WWP1: variants seen among roughly 807,000 people sequenced by gnomAD.
WWP1 encodes the protein WW domain containing E3 ubiquitin protein ligase 1.
WWP1 carries 49 observed loss-of-function variants against 130.6 expected under a neutral mutation model. The observed-to-expected ratio is 0.38, with a 90% confidence interval of 0.30 to 0.48. The LOEUF is 0.48. WWP1 is among the 20% of genes least tolerant of loss of function. The probability of loss-of-function intolerance (pLI) is 0.99; values close to 1 mark genes in which losing one functional copy is unlikely to be tolerated. For synonymous variants in WWP1, 332 were observed against 367.8 expected (o/e 0.90, Z 1.11); for missense variants, 809 against 1,100.6 (o/e 0.74, Z 3.75).
rs202221520 is a variant in WWP1 at position 86,425,204 on chromosome 8, T to G, written c.1062-19T>G. The G allele has an allele frequency of 3.8e-5, 60 of 1,592,978 alleles. No individual in the cohort carries two copies. In the African/African-American group the frequency reaches 7.7e-4, roughly 20 times the overall value. On this transcript the variant is annotated intron_variant, in intron 9 of 24. Coordinates refer to ENST00000517970, the MANE Select transcript of WWP1 (RefSeq NM_007013.4). The stretch of plus-strand genomic sequence containing the variant: ...CTAGTGTGTTGTCTCTTACTGTTAT[T>G]TTTGTATTTTTATTAAAGGTGGGAA...
rs959814467 is a variant in WWP1, at chr8:86,342,712, T to C, written c.-333T>C. On this transcript the variant is annotated 5_prime_UTR_variant, in exon 1 of 25. Coordinates refer to ENST00000517970, the MANE Select transcript of WWP1 (RefSeq NM_007013.4). ...GGCTGGGGGTGGCGCGTGGACGGGG[T>C]GGGGGTGGGGGGAGGGTCGGGTGTC... The C allele has an allele frequency of 1.7e-5, 2 of 118,728 alleles. No homozygotes were observed. Among genetic ancestry groups the C allele is most frequent in the African/African-American group, 2.2e-4 (1 of 4,490 alleles). The allele number at this position is 118,728 out of a possible 1,614,324, so 7.4% of individuals were successfully genotyped here. A position where few individuals can be genotyped will look rare whatever the true frequency, so the allele number is the denominator to read the frequency against.
chr8:86,462,413 G>C (rs1465451550), intron 24 of WWP1, among the ~76,000 whole-genome samples: 1 of 149,116 alleles, frequency 6.7e-6, no homozygotes, highest in Non-Finnish European at 1.5e-5. Flanking sequence ...GAATATGATA[G>C]GTGTGATTGG....
At chr8:86,366,005 T>G (rs2130250421) in intron 1 of WWP1, among the ~76,000 whole-genome samples, 1 of 152,338 alleles carries the variant, frequency 6.6e-6, no homozygotes, top group Non-Finnish European at 1.5e-5. Context: ...CTTAGCCTGT[T>G]TTCTTGACAT....
chr8:86,361,676 C>G (rs1823607259), intron 1 of WWP1, among the ~76,000 whole-genome samples: 1 of 152,076 alleles, frequency 6.6e-6, no homozygotes, highest in Non-Finnish European at 1.5e-5. Context: ...CCACTTCTTT[C>G]CTTTTGTATG....
intron 1 of WWP1, among the ~76,000 whole-genome samples, chr8:86,364,829 AAGAAAGAGAGAG>A (rs894538430): frequency 1.1e-4 from 13 of 121,838 alleles, no homozygotes; most frequent in African/African-American, 2.7e-4. Flanking sequence ...GAAAGAAAGA[AAGAAAGAGAGAG>A]AGAGAGAGAG....
intron 9 of WWP1, among the ~76,000 whole-genome samples, chr8:86,417,854 T>C (rs562662469): frequency 6.6e-6 from 1 of 152,232 alleles, no homozygotes; most frequent in South Asian, 2.1e-4. Flanking sequence ...AGCCTTGTTC[T>C]AGGCATGTGC....
At position 86,435,509 on chromosome 8, in the gene WWP1, C is replaced by T; in HGVS notation, c.1659C>T (p.His553=). ...YERGFRWKLA[H]FRYLCQSNAL... ...GCGGCTTTAGGTGGAAGCTTGCTCA[C>T]TTCCGTTATTTGTGCCAGGTACTAT... is the stretch of plus-strand genomic sequence containing the variant. The change falls in exon 15 of 25, where the codon CAC becomes CAT. Residue 553 remains histidine, a synonymous_variant. Coordinates refer to ENST00000517970, the MANE Select transcript of WWP1 (RefSeq NM_007013.4). 1 of 1,614,160 alleles carries T rather than the reference C, an allele frequency of 6.2e-7. No individual in the cohort carries two copies. Among genetic ancestry groups the T allele is most frequent in the Non-Finnish European group, 8.5e-7 (1 of 1,180,022 alleles).
Position 86,457,965 on chromosome 8 carries a change from G to A in WWP1, c.2439G>A (p.Gln813=), listed in dbSNP as rs1811550274. Residue 813 remains glutamine, a synonymous_variant, in exon 22 of 25, where the codon CAG becomes CAA. Coordinates refer to ENST00000517970, the MANE Select transcript of WWP1 (RefSeq NM_007013.4). ...GMQEVDLADW[Q]RNTVYRHYTR... is the part of the protein sequence containing the mutation. ...AGGAGGTTGACTTGGCAGATTGGCA[G>A]AGAAATACTGTTTATCGACATTATA... 1 of 1,613,080 alleles carries A rather than the reference G, an allele frequency of 6.2e-7. No homozygotes were observed. The highest frequency in any genetic ancestry group is 1.7e-5 in the Admixed American group (1 of 59,984).
rs375727216 is a variant in WWP1, at chr8:86,367,381, ATTTC to A, written c.-114-1544_-114-1541del. On this transcript the variant is annotated intron_variant, in intron 1 of 24. Transcript: ENST00000517970. Reference sequence around the variant, plus strand: ...AATGAATCAGATCTATTCTAATTGGATTTCTTTCTTTCTTTCTCTTTCTTTCTTT... The same window carrying A: ...AATGAATCAGATCTATTCTAATTGGATTTCTTTCTTTCTCTTTCTTTCTTT... Among the ~76,000 whole-genome samples the A allele has an allele frequency of 1.8e-3, 277 of 152,232 alleles. 2 individuals carry two copies. The highest frequency in any genetic ancestry group is 5.9e-3 in the African/African-American group (246 of 41,542).
Position 86,380,981 on chromosome 8 carries a change from C to T in WWP1, c.209+117C>T, listed in dbSNP as rs959334611. On this transcript the variant is annotated intron_variant, in intron 4 of 24. Coordinates refer to ENST00000517970, the MANE Select transcript of WWP1 (RefSeq NM_007013.4). ...TGAGTGATTTTTTTAAAGTGTGGAT[C>T]GACAATTTAAAGTATGGAGAAATTT... 4.6e-5 allele frequency: 57 copies of T among 1,242,804 alleles called. No homozygotes were observed. The South Asian group carries it at 1.1e-3, about 25-fold the overall frequency. The allele number at this position is 1,242,804 out of a possible 1,614,324, so 77.0% of individuals were successfully genotyped here.
intron 8 of WWP1, among the ~76,000 whole-genome samples, chr8:86,410,236 A>G (rs190548038): frequency 6.6e-6 from 1 of 152,328 alleles, no homozygotes; most frequent in African/African-American, 2.4e-5. Flanking sequence ...CTTAAATAAC[A>G]TAAGAATGAT....
intron 7 of WWP1, 98 bp from the exon 8 acceptor site, chr8:86,401,917 CAAAA>C (rs770692223): frequency 2.7e-4 from 314 of 1,177,334 alleles, no homozygotes; most frequent in Non-Finnish European, 3.3e-4. Context: ...AAAGAAATAA[CAAAA>C]AAGAAACTTA....
chr8:86,423,275 G>A (rs959889286), intron 9 of WWP1, among the ~76,000 whole-genome samples: 9 of 151,654 alleles, frequency 5.9e-5, no homozygotes, highest in Non-Finnish European at 8.8e-5. Context: ...CTCCCAGAGG[G>A]GGATTTGGCA....
At chr8:86,431,019 G>T in intron 12 of WWP1, among the ~76,000 whole-genome samples, 1 of 132,998 alleles carries the variant, frequency 7.5e-6, no homozygotes, top group African/African-American at 2.8e-5. Flanking sequence ...TATTATAAGG[G>T]ATATATATGT....
chr8:86,457,548 C>A (rs530472510), intron 21 of WWP1, among the ~76,000 whole-genome samples: 1 of 147,884 alleles, frequency 6.8e-6, no homozygotes, highest in South Asian at 2.1e-4. Context: ...ATAATAGATA[C>A]ACACACACAT....
At chr8:86,417,741 A>C (rs1314832436) in intron 9 of WWP1, among the ~76,000 whole-genome samples, 1 of 152,234 alleles carries the variant, frequency 6.6e-6, no homozygotes, top group Non-Finnish European at 1.5e-5. Context: ...AAATTAAGAC[A>C]TGACCAAATA....
intron 14 of WWP1, among the ~76,000 whole-genome samples, chr8:86,432,587 A>G (rs572005098): frequency 3.3e-5 from 5 of 150,940 alleles, no homozygotes; most frequent in African/African-American, 1.2e-4. Flanking sequence ...CCCTTTACCA[A>G]TGTGTTCAAT....
At chr8:86,397,691 G>C (rs1052425746) in intron 5 of WWP1, among the ~76,000 whole-genome samples, 4 of 152,030 alleles carry the variant, frequency 2.6e-5, no homozygotes, top group Admixed American at 2.6e-4. Flanking sequence ...GTCTAACATA[G>C]AAGTTGAAGC....
At chr8:86,353,225 CTAACTGT>C (rs11277498) in intron 1 of WWP1, among the ~76,000 whole-genome samples, 21,994 of 152,118 alleles carry the variant, frequency 0.14, 1,741 homozygotes, top group Non-Finnish European at 0.19. Context: ...AAGCTAATCT[CTAACTGT>C]TATTTAGGGC....
Sources: gnomAD v4.1 joint callset for allele counts (sites outside exome capture counted in the v4.1 genomes callset) on GRCh38, gnomAD v4.1.1 for gene constraint, MANE v1.5 for transcripts, NCBI Gene and HGNC (gene_info 2026-07-23, HGNC 2026-07-21) for gene names.